Variants in USP45 observed in about 807,000 individuals in gnomAD.
USP45 encodes the protein ubiquitin specific peptidase 45, also known as ubiquitin carboxyl-terminal hydrolase 45.
USP45 carries 89 observed loss-of-function variants against 95.8 expected under a neutral mutation model. The observed-to-expected ratio is 0.93, with a 90% CI of 0.78 to 1.11. USP45 has a LOEUF of 1.11. USP45 is among the 50% of genes least tolerant of loss of function. The pLI, the probability that USP45 is intolerant of heterozygous loss-of-function variation, is 0.00. For synonymous variants in USP45, 281 were observed against 316.2 expected (o/e 0.89, Z 1.18); for missense variants, 898 against 942.5 (o/e 0.95, Z 0.62).
At chr6:99,508,201 A>C (rs200715288) in intron 3 of USP45, among the ~76,000 whole-genome samples, 1 of 4,802 alleles carries the variant, frequency 2.1e-4, no homozygotes, top group East Asian at 0.17. Flanking sequence ...TAATTTCATT[A>C]AAAAAATTCC....
At chr6:99,455,181 C>A (rs1248747532) in intron 13 of USP45, among the ~76,000 whole-genome samples, 1 of 151,884 alleles carries the variant, frequency 6.6e-6, no homozygotes, top group Non-Finnish European at 1.5e-5. Flanking sequence ...ATGGCTCACA[C>A]CTGTAATCCC....
intron 13 of USP45, among the ~76,000 whole-genome samples, chr6:99,449,005 A>T (rs548396755): frequency 1.3e-5 from 2 of 152,204 alleles, no homozygotes; most frequent in Admixed American, 6.5e-5. Flanking sequence ...CCTGCCCTAC[A>T]AGAGCTCCTG....
chr6:99,460,655 G>A (rs906909368), intron 13 of USP45: 13 of 359,124 alleles, frequency 3.6e-5, no homozygotes, highest in Non-Finnish European at 4.3e-5. Context: ...GATAGATACC[G>A]TAACTACACA....
intron 13 of USP45, among the ~76,000 whole-genome samples, chr6:99,454,735 G>T (rs11154862): frequency 0.15 from 22,323 of 152,182 alleles, 2,348 homozygotes; most frequent in Non-Finnish European, 0.21. Context: ...CAAGAATGTG[G>T]AGAAAAGGAG....
intron 13 of USP45, among the ~76,000 whole-genome samples, chr6:99,463,004 TAATA>T (rs778972255): frequency 2.4e-4 from 37 of 151,232 alleles, no homozygotes; most frequent in East Asian, 1.4e-3. Flanking sequence ...ATTAATTAAT[TAATA>T]GAGTAAGTTA....
chr6:99,513,123 CA>C (rs947538546), intron 1 of USP45, among the ~76,000 whole-genome samples: 1 of 152,076 alleles, frequency 6.6e-6, no homozygotes, highest in African/African-American at 2.4e-5. Flanking sequence ...TACATGTACC[CA>C]AAAATAGGTG....
intron 4 of USP45, among the ~76,000 whole-genome samples, chr6:99,505,437 G>A (rs865955296): frequency 2.6e-5 from 4 of 151,944 alleles, no homozygotes; most frequent in Admixed American, 6.6e-5. Context: ...AGGCCAAGGC[G>A]GGAGGATCAC....
chr6:99,440,902 A>G (rs537409808), intron 15 of USP45, among the ~76,000 whole-genome samples: 1 of 152,162 alleles, frequency 6.6e-6, no homozygotes, highest in Non-Finnish European at 1.5e-5. Flanking sequence ...GTTCTCCTCA[A>G]TCAGTACTTT....
intron 13 of USP45, among the ~76,000 whole-genome samples, chr6:99,452,522 AAAC>A (rs1239034171): frequency 6.6e-6 from 1 of 152,180 alleles, no homozygotes. Context: ...AAAAGTCAGG[AAAC>A]AACAGGTGCT....
intron 5 of USP45, among the ~76,000 whole-genome samples, chr6:99,490,359 T>A (rs1412416672): frequency 6.6e-6 from 1 of 151,586 alleles, no homozygotes; most frequent in East Asian, 1.9e-4. Flanking sequence ...TTTTTTTTTT[T>A]AGTAGAGAAG....
In USP45 at chr6:99,511,845, G is replaced by GTATATATATA. The variant is rs751350306; in HGVS notation, c.-10-1625_-10-1616dup. On this transcript the variant is annotated intron_variant, in intron 1 of 17. Transcript: ENST00000500704. ...GACACATATATGTATGTGAGTGTGT[G>GTATATATATA]TATATATATATATATATATATATAT... is the stretch of plus-strand genomic sequence containing the variant. Among the ~76,000 whole-genome samples, 169 of 22,666 alleles carry GTATATATATA rather than the reference G, an allele frequency of 7.5e-3. 1 individual carries two copies. Among genetic ancestry groups the GTATATATATA allele is most frequent in the Non-Finnish European group, 9.1e-3 (145 of 15,976 alleles). 14.9% of individuals were successfully genotyped at this position (22,666 alleles called of 152,430 possible).
chr6:99,506,615 TTG>T (rs1798583923), intron 4 of USP45, among the ~76,000 whole-genome samples: 1 of 152,150 alleles, frequency 6.6e-6, no homozygotes, highest in Admixed American at 6.5e-5. Flanking sequence ...CACAAAAAAC[TTG>T]TTTTAGTACC....
At chr6:99,488,139 G>A in intron 7 of USP45, 61 bp downstream of exon 7, 1 of 1,149,108 alleles carries the variant, frequency 8.7e-7, no homozygotes, top group Non-Finnish European at 1.3e-6. Context: ...TAGGAAAAGA[G>A]ATTTTGGTAA....
chr6:99,478,938 T>C (rs1188917569), intron 8 of USP45, among the ~76,000 whole-genome samples: 1 of 148,290 alleles, frequency 6.7e-6, no homozygotes, highest in African/African-American at 2.5e-5. Context: ...GGAAGTCAGA[T>C]AAAAAAAGAG....
rs1794664029 is a variant in USP45, at chr6:99,489,293, G to T, written c.479-473C>A. On this transcript the variant is annotated intron_variant, in intron 5 of 17. Coordinates refer to ENST00000500704, the MANE Select transcript of USP45 (RefSeq NM_001346022.3). The stretch of plus-strand genomic sequence containing the variant: ...TCAAAATACACAGGGATTTTGACCA[G>T]CTCGTTCAATTCAGATAATTTGATC... Among the ~76,000 whole-genome samples, 5 of 152,284 alleles carry T rather than the reference G, an allele frequency of 3.3e-5. 1 individual carries two copies. In the South Asian group the frequency reaches 1.0e-3, roughly 32 times the overall value.
chr6:99,487,496 A>G (rs1794189534), intron 7 of USP45, among the ~76,000 whole-genome samples: 1 of 151,790 alleles, frequency 6.6e-6, no homozygotes, highest in Non-Finnish European at 1.5e-5. Context: ...GCTTCAAAAA[A>G]CCTTTAGATG....
chr6:99,496,582 T>C (rs1438917500), intron 5 of USP45, among the ~76,000 whole-genome samples: 1 of 152,138 alleles, frequency 6.6e-6, no homozygotes, highest in Non-Finnish European at 1.5e-5. Flanking sequence ...TGCATTGGTT[T>C]AGAAAAGAAC....
chr6:99,458,704 G>A (rs935048678), intron 13 of USP45, among the ~76,000 whole-genome samples: 11 of 152,186 alleles, frequency 7.2e-5, no homozygotes, highest in Admixed American at 6.5e-5. Flanking sequence ...GTTATGATAG[G>A]AGAAATACAG....
rs7767049 is a variant in USP45 at position 99,470,291 on chromosome 6, C to G, written c.934-1673G>C. Among the ~76,000 whole-genome samples, 495 of 152,276 alleles carry G rather than the reference C, an allele frequency of 3.3e-3. 6 individuals are homozygous for G. The highest frequency in any genetic ancestry group is 0.012 in the African/African-American group (480 of 41,552). On this transcript the variant is annotated intron_variant, in intron 9 of 17. Transcript: ENST00000500704. ...CTCCATGCCCTGCTGCCTGGATAAG[C>G]AGAAGACACTCATGACCCCCAGAAT...
Sources: allele counts gnomAD v4.1 joint callset (sites outside exome capture counted in the v4.1 genomes callset), GRCh38; gene constraint gnomAD v4.1.1; transcripts MANE v1.5; gene names NCBI Gene and HGNC (gene_info 2026-07-23, HGNC 2026-07-21).